ATF6: variants seen among roughly 807,000 people sequenced by gnomAD.
ATF6 encodes cyclic AMP-dependent transcription factor ATF-6 alpha.
In ATF6, 53 loss-of-function variants were observed where a neutral mutation model predicts 83.6. The observed-to-expected ratio is 0.63, with a 90% confidence interval of 0.51 to 0.80. ATF6 has a LOEUF of 0.80. ATF6 is among the 30% of genes least tolerant of loss of function. The pLI is 0.00. For synonymous variants in ATF6, 288 were observed against 285.8 expected (o/e 1.01, Z -0.08); for missense variants, 744 against 797.9 (o/e 0.93, Z 0.81).
intron 15 of ATF6, among the ~76,000 whole-genome samples, chr1:161,920,485 G>A (rs189863801): frequency 6.6e-6 from 1 of 151,592 alleles, no homozygotes; most frequent in East Asian, 1.9e-4. Context: ...TAGTAGAGAC[G>A]GGGTTTCATG....
intron 14 of ATF6, among the ~76,000 whole-genome samples, chr1:161,884,422 T>G (rs1046651262): frequency 6.6e-6 from 1 of 152,106 alleles, no homozygotes; most frequent in Non-Finnish European, 1.5e-5. Context: ...GCTTAAAAGT[T>G]TTCTTCCTCA....
intron 11 of ATF6, 51 bp from the exon 12 acceptor site, chr1:161,853,173 T>TTAAA: frequency 7.8e-7 from 1 of 1,285,126 alleles, no homozygotes; most frequent in Non-Finnish European, 1.1e-6. Flanking sequence ...AAACATCCAT[T>TTAAA]TCTATGTTTA....
chr1:161,849,872 C>T (rs1686574746), intron 10 of ATF6, among the ~76,000 whole-genome samples: 1 of 152,154 alleles, frequency 6.6e-6, no homozygotes, highest in Non-Finnish European at 1.5e-5. Context: ...CTCAGTTCCT[C>T]TCCCTGTTTT....
intron 10 of ATF6, 71 bp downstream of exon 10, chr1:161,846,651 T>C: frequency 7.0e-7 from 1 of 1,421,528 alleles, no homozygotes; most frequent in Non-Finnish European, 9.4e-7. Context: ...TTATCTGTAG[T>C]ATAACATTGC....
chr1:161,875,801 A>C (rs926828616), intron 14 of ATF6, among the ~76,000 whole-genome samples: 1 of 151,894 alleles, frequency 6.6e-6, no homozygotes, highest in African/African-American at 2.4e-5. Flanking sequence ...TTGTACTTTG[A>C]TATGCAGCAG....
intron 15 of ATF6, among the ~76,000 whole-genome samples, chr1:161,951,124 T>C (rs1157283565): frequency 6.6e-6 from 1 of 152,198 alleles, no homozygotes. Context: ...AACTTGACCA[T>C]ATATAGCTTA....
In ATF6 at chr1:161,879,488, G is replaced by A. The variant is rs188671858; in HGVS notation, c.1719+16176G>A. 2.6e-5 allele frequency among the ~76,000 whole-genome samples: 4 copies of A among 152,212 alleles called. No individual in the cohort carries two copies. In the East Asian group the frequency reaches 5.8e-4, roughly 22 times the overall value. ...ATGAAAGACATATAATTACAATATGGTGTGATGGTTGTGATGAACAAGGTA... is the reference window on the plus strand; with the variant it reads ...ATGAAAGACATATAATTACAATATGATGTGATGGTTGTGATGAACAAGGTA... On this transcript the variant is annotated intron_variant, in intron 14 of 15. Coordinates refer to ENST00000367942, the MANE Select transcript of ATF6 (RefSeq NM_007348.4).
At chr1:161,899,106 A>T (rs77461721) in intron 14 of ATF6, among the ~76,000 whole-genome samples, 4,383 of 152,324 alleles carry the variant, frequency 0.029, 98 homozygotes, top group East Asian at 0.12. Flanking sequence ...ATGTTGAGAC[A>T]TCTACAAATC....
In ATF6 at chr1:161,963,402, A is replaced by C. The variant is rs927257827; in HGVS notation, c.*4748A>C. ...TGTCACATAGTGGGTGCCATTCTCA[A>C]CATATTGGTTTGCTAACTTTAAGCA... On this transcript the variant is annotated 3_prime_UTR_variant, in exon 16 of 16. Coordinates refer to ENST00000367942, the MANE Select transcript of ATF6 (RefSeq NM_007348.4). 6.6e-6 allele frequency: 1 copy of C among 152,214 alleles called. No homozygotes were observed. Among genetic ancestry groups the C allele is most frequent in the African/African-American group, 2.4e-5 (1 of 41,438 alleles). The allele number at this position is 152,214 out of a possible 1,614,324, so 9.4% of individuals were successfully genotyped here. A position where few individuals can be genotyped will look rare whatever the true frequency, so the allele number is the denominator to read the frequency against.
intron 14 of ATF6, among the ~76,000 whole-genome samples, chr1:161,880,336 G>A (rs1361626575): frequency 6.6e-6 from 1 of 151,962 alleles, no homozygotes; most frequent in East Asian, 1.9e-4. Context: ...GTATGTGTGT[G>A]TGTGTGTGTG....
intron 13 of ATF6, among the ~76,000 whole-genome samples, chr1:161,860,966 G>C (rs997314879): frequency 6.6e-6 from 1 of 152,160 alleles, no homozygotes; most frequent in African/African-American, 2.4e-5. Context: ...CTGTTGGGCA[G>C]AGTTCAAATT....
intron 14 of ATF6, among the ~76,000 whole-genome samples, chr1:161,872,134 C>T (rs2101849251): frequency 6.6e-6 from 1 of 151,644 alleles, no homozygotes; most frequent in South Asian, 2.1e-4. Flanking sequence ...CATCATTTTA[C>T]AGATGAAGAA....
chr1:161,802,267 T>G lies in ATF6; in HGVS notation c.904T>G (p.Ser302Ala). 6.2e-7 allele frequency: 1 copy of G among 1,613,638 alleles called. No individual in the cohort carries two copies. Among genetic ancestry groups the G allele is most frequent in the Non-Finnish European group, 8.5e-7 (1 of 1,179,688 alleles). Residue 302 changes from serine to alanine, a missense_variant, in exon 7 of 16, where the codon TCA becomes GCA. By Grantham distance (99) the Ser-to-Ala change is moderately conservative. Coordinates refer to ENST00000367942, the MANE Select transcript of ATF6 (RefSeq NM_007348.4). Reference protein sequence around the residue: ...VLQSTMRNVGSDIAVLRRQQR... With the variant: ...VLQSTMRNVGADIAVLRRQQR... Reference sequence around the variant, plus strand: ...ACAAAGTACCATGAGAAATGTCGGTTCAGATGTAAGTTTTGAAACTTAGTG... The same window carrying G: ...ACAAAGTACCATGAGAAATGTCGGTGCAGATGTAAGTTTTGAAACTTAGTG...
rs749987873 is a variant in ATF6 at position 161,851,737 on chromosome 1, T to G, written c.1335T>G (p.Val445=). The change falls in exon 11 of 16, where the codon GTT becomes GTG. Residue 445 remains valine, a synonymous_variant. Transcript: ENST00000367942. The part of the protein sequence containing the change: ...QKNSYRYDHS[V]SNDKALMVLT... ...CATGTTTCAGATATGATCATTCTGT[T>G]TCAAATGACAAAGCCCTGATGGTGC... The G allele has an allele frequency of 1.7e-5, 27 of 1,613,252 alleles. 1 individual carries two copies. In the South Asian group the frequency reaches 3.0e-4, roughly 18 times the overall value.
intron 14 of ATF6, among the ~76,000 whole-genome samples, chr1:161,886,939 G>A (rs977510975): frequency 2.0e-5 from 3 of 152,164 alleles, no homozygotes; most frequent in African/African-American, 2.4e-5. Flanking sequence ...AACTACAGTC[G>A]ACAAAGAGAC....
intron 14 of ATF6, among the ~76,000 whole-genome samples, chr1:161,868,496 G>A (rs1687057792): frequency 6.6e-6 from 1 of 151,938 alleles, no homozygotes; most frequent in African/African-American, 2.4e-5. Context: ...TATATGATAA[G>A]CCTTTTGAAG....
chr1:161,831,254 C>T (rs1686053064), intron 9 of ATF6, among the ~76,000 whole-genome samples: 1 of 152,240 alleles, frequency 6.6e-6, no homozygotes, highest in South Asian at 2.1e-4. Context: ...GATACCATCT[C>T]ACACCAGTTA....
At chr1:161,824,940 TA>T (rs1232216683) in intron 9 of ATF6, among the ~76,000 whole-genome samples, 17 of 152,182 alleles carry the variant, frequency 1.1e-4, no homozygotes, top group South Asian at 6.2e-4. Flanking sequence ...ATATAGGCAT[TA>T]AAAAAATGAA....
intron 9 of ATF6, among the ~76,000 whole-genome samples, chr1:161,824,417 C>A (rs1403598856): frequency 6.6e-6 from 1 of 152,010 alleles, no homozygotes; most frequent in Non-Finnish European, 1.5e-5. Flanking sequence ...AAATGCCACC[C>A]CTGTGAGGCT....
Sources: allele counts gnomAD v4.1 joint callset (sites outside exome capture counted in the v4.1 genomes callset), GRCh38; gene constraint gnomAD v4.1.1; transcripts MANE v1.5; gene names NCBI Gene and HGNC (gene_info 2026-07-23, HGNC 2026-07-21).